TRIM2: variants seen among roughly 807,000 people sequenced by gnomAD.
TRIM2 encodes the protein tripartite motif-containing protein 2.
Under a neutral mutation model 75.2 loss-of-function variants are expected in TRIM2, and 20 were observed. That is an observed-to-expected ratio of 0.27 (90% CI 0.19 to 0.39). The LOEUF (loss-of-function observed/expected upper bound fraction) is 0.39. Among genes scored for constraint, TRIM2 ranks in the 10% least tolerant of loss-of-function variants. The pLI, the probability that TRIM2 is intolerant of heterozygous loss-of-function variation, is 1.00. For synonymous variants in TRIM2, 373 were observed against 388.3 expected, an observed-to-expected ratio of 0.96 and a Z score of 0.46; for missense variants, 660 against 990.8, an observed-to-expected ratio of 0.67 and a Z score of 4.48.
chr4:153,298,669 A>G (rs1352459366), intron 6 of TRIM2, among the ~76,000 whole-genome samples: 4 of 152,138 alleles, frequency 2.6e-5, no homozygotes, highest in Admixed American at 6.5e-5. Flanking sequence ...TCACATATTG[A>G]TCAATTTTTT....
At chr4:153,288,272 A>G (rs1761096610) in intron 3 of TRIM2, among the ~76,000 whole-genome samples, 1 of 151,978 alleles carries the variant, frequency 6.6e-6, no homozygotes, top group African/African-American at 2.4e-5. Context: ...CCTTGTCTCT[A>G]CTAAAAATAC....
intron 1 of TRIM2, among the ~76,000 whole-genome samples, chr4:153,226,335 A>G (rs1742119458): frequency 6.6e-6 from 1 of 152,260 alleles, no homozygotes. Context: ...TCTAAAATAA[A>G]TACCATATAT....
intron 1 of TRIM2, among the ~76,000 whole-genome samples, chr4:153,220,245 C>T (rs150517450): frequency 9.2e-4 from 138 of 150,358 alleles, no homozygotes; most frequent in Non-Finnish European, 5.7e-4. Flanking sequence ...AAATATAAGA[C>T]GTAGGTGGGA....
rs1772639785 is a variant in TRIM2 at position 153,337,931 on chromosome 4, CAG to C, written c.*2970_*2971del. The C allele has an allele frequency of 2.0e-6, 2 of 985,650 alleles. No homozygotes were observed. Among genetic ancestry groups the C allele is most frequent in the Non-Finnish European group, 2.4e-6 (2 of 829,938 alleles). The allele number at this position is 985,650 out of a possible 1,614,324, so 61.1% of individuals were successfully genotyped here. On this transcript the variant is annotated 3_prime_UTR_variant, in exon 12 of 12. Transcript: ENST00000338700. Reference sequence around the variant, plus strand: ...GCCCCCCTTGCTGGACATGGGGAGGCAGAGAGTCACTTGACCATCCAGAAATA... The same window carrying C: ...GCCCCCCTTGCTGGACATGGGGAGGCAGAGTCACTTGACCATCCAGAAATA...
At chr4:153,167,434 C>G (rs537481787) in intron 1 of TRIM2, among the ~76,000 whole-genome samples, 1 of 152,110 alleles carries the variant, frequency 6.6e-6, no homozygotes, top group Non-Finnish European at 1.5e-5. Context: ...TTGAGGATGA[C>G]GCAATGGCAA....
chr4:153,165,685 T>C (rs941398036), intron 1 of TRIM2, among the ~76,000 whole-genome samples: 69 of 152,362 alleles, frequency 4.5e-4, no homozygotes, highest in Middle Eastern at 3.4e-3. Context: ...TTCAGAATTT[T>C]GTAGGTGACT....
At chr4:153,174,268 T>C (rs1731188078) in intron 1 of TRIM2, among the ~76,000 whole-genome samples, 1 of 151,520 alleles carries the variant, frequency 6.6e-6, no homozygotes, top group Non-Finnish European at 1.5e-5. Context: ...GTAAGAACGG[T>C]GGCCCCCCCT....
chr4:153,274,315 T>A (rs1257595714), intron 2 of TRIM2, among the ~76,000 whole-genome samples: 1 of 152,208 alleles, frequency 6.6e-6, no homozygotes, highest in East Asian at 1.9e-4. Context: ...GGACATGCTT[T>A]GGTGATGGGT....
chr4:153,201,089 G>A (rs1043768731), upstream of TRIM2, among the ~76,000 whole-genome samples: 4 of 151,856 alleles, frequency 2.6e-5, no homozygotes, highest in South Asian at 2.1e-4. Context: ...TCAACCTACC[G>A]AGTAGCTGGG....
chr4:153,308,632 A>G, intron 6 of TRIM2: 1 of 614,286 alleles, frequency 1.6e-6, no homozygotes, highest in South Asian at 1.4e-5. Flanking sequence ...CTTGATGGCC[A>G]TTTCAATGTT....
At chr4:153,262,846 G>A (rs62323714) in intron 1 of TRIM2, among the ~76,000 whole-genome samples, 4,406 of 152,316 alleles carry the variant, frequency 0.029, 100 homozygotes, top group Middle Eastern at 0.1. Context: ...AAGCAAGATG[G>A]AGTCACCTAT....
chr4:153,252,719 A>G (rs1369590573), intron 1 of TRIM2, among the ~76,000 whole-genome samples: 1 of 152,158 alleles, frequency 6.6e-6, no homozygotes, highest in Non-Finnish European at 1.5e-5. Context: ...TATCTTGGCC[A>G]GGCTTGTCTT....
chr4:153,232,603 A>G (rs921128326), intron 1 of TRIM2, among the ~76,000 whole-genome samples: 9 of 152,094 alleles, frequency 5.9e-5, no homozygotes, highest in African/African-American at 2.2e-4. Context: ...TGACCCCAGC[A>G]TGCAGAATAT....
chr4:153,243,615 T>C (rs77799897), intron 1 of TRIM2, among the ~76,000 whole-genome samples: 2,068 of 152,260 alleles, frequency 0.014, 32 homozygotes, highest in African/African-American at 0.046. Context: ...CTATTAAGGA[T>C]GGAGACATCT....
upstream of TRIM2, among the ~76,000 whole-genome samples, chr4:153,201,822 G>T (rs1046751804): frequency 1.3e-5 from 2 of 152,166 alleles, no homozygotes; most frequent in African/African-American, 4.8e-5. Context: ...ACTTGTGAAG[G>T]CTATGTCACG....
At chr4:153,206,649 C>T (rs975681353) in intron 1 of TRIM2, among the ~76,000 whole-genome samples, 3 of 152,034 alleles carry the variant, frequency 2.0e-5, no homozygotes, top group Non-Finnish European at 4.4e-5. Context: ...CATTGGCCAT[C>T]GGTGATTGAG....
Position 153,248,106 on chromosome 4 carries a change from G to A in TRIM2, c.31-22229G>A, listed in dbSNP as rs1455923010. Among the ~76,000 whole-genome samples the A allele has an allele frequency of 6.8e-6, 1 of 147,276 alleles. No individual in the cohort carries two copies. Among genetic ancestry groups the A allele is most frequent in the African/African-American group, 2.5e-5 (1 of 39,480 alleles). Reference sequence around the variant, plus strand: ...CGCCTCTGGGATTCAAGCGATTCTTGTGCTTCAGCCTCCTGAATAGCTGGG... The same window carrying A: ...CGCCTCTGGGATTCAAGCGATTCTTATGCTTCAGCCTCCTGAATAGCTGGG... On this transcript the variant is annotated intron_variant, in intron 1 of 11. Coordinates refer to ENST00000338700, the MANE Select transcript of TRIM2 (RefSeq NM_015271.5). This position sits in a 1 kb window ranked among gnomAD's most constrained non-coding sequence, Gnocchi z 4.0.
Position 153,290,802 on chromosome 4 carries a change from A to T in TRIM2, c.454-2180A>T, listed in dbSNP as rs117242527. ...CCACCACGTCCAGTTAATTTTTTAA[A>T]TTTTTTTCTAGAGACAGAGCTTTGC... On this transcript the variant is annotated intron_variant, in intron 3 of 11. Transcript: ENST00000338700. 2.6e-3 allele frequency among the ~76,000 whole-genome samples: 390 copies of T among 152,052 alleles called. 12 individuals carry two copies. In the East Asian group the frequency reaches 0.056, roughly 22 times the overall value.
At chr4:153,293,208 A>C in intron 4 of TRIM2, 75 bp downstream of exon 4, 6 of 1,431,166 alleles carry the variant, frequency 4.2e-6, no homozygotes, top group Non-Finnish European at 5.7e-6. Flanking sequence ...TTGTCTAGGT[A>C]CAAGAGTAGG....
Sources: gnomAD v4.1 joint callset for allele counts (sites outside exome capture counted in the v4.1 genomes callset) on GRCh38, gnomAD v4.1.1 for gene constraint, Gnocchi (gnomAD v3.1) non-coding constraint, MANE v1.5 for transcripts, NCBI Gene and HGNC (gene_info 2026-07-23, HGNC 2026-07-21) for gene names.